The following NRXN1 variants were observed in gnomAD, a reference collection of about 807,000 sequenced individuals.
NRXN1 encodes neurexin-1.
A neutral mutation model predicts 150.9 loss-of-function variants in NRXN1; 39 were observed. The ratio of observed to expected loss-of-function variants is 0.26; its 90% CI spans 0.20 to 0.34. NRXN1 has a LOEUF of 0.34. Ranked by LOEUF, NRXN1 falls within the 10% of genes least tolerant of loss-of-function variation. NRXN1 has a pLI of 1.00. For missense variants in NRXN1, 1,815 were observed against 1,949.9 expected (o/e 0.93, Z 1.30); for synonymous variants, 924 against 757.0 (o/e 1.22, Z -3.62).
chr2:50,994,005 G>A (rs1293673598), intron 2 of NRXN1, among the ~76,000 whole-genome samples: 3 of 151,846 alleles, frequency 2.0e-5, no homozygotes, highest in East Asian at 3.9e-4. Context: ...AATACACACC[G>A]ACAAAACCTA....
chr2:50,935,457 C>T (rs1384526109), intron 2 of NRXN1, among the ~76,000 whole-genome samples: 3 of 152,180 alleles, frequency 2.0e-5, no homozygotes, highest in South Asian at 2.1e-4. Flanking sequence ...TTAGGCTGGG[C>T]GCAGTGGCTC....
Position 49,943,688 on chromosome 2 carries a change from A to G in NRXN1, c.4216+16T>C. 1 of 1,587,032 alleles carries G rather than the reference A, an allele frequency of 6.3e-7. No individual in the cohort carries two copies. Among genetic ancestry groups the G allele is most frequent in the Non-Finnish European group, 8.6e-7 (1 of 1,157,570 alleles). On this transcript the variant is annotated intron_variant, in intron 22 of 22. Coordinates refer to ENST00000401669, the MANE Select transcript of NRXN1 (RefSeq NM_001330078.2). ...TTACAGTAAAGCCAAGGAAGTAAGA[A>G]AAAAAGTTGACTAACCTAACCCACC...
chr2:50,611,601 C>G (rs543671233), intron 8 of NRXN1, among the ~76,000 whole-genome samples: 1 of 152,154 alleles, frequency 6.6e-6, no homozygotes, highest in Non-Finnish European at 1.5e-5. Flanking sequence ...CTACAATGCA[C>G]AGAAGTGAAC....
intron 2 of NRXN1, among the ~76,000 whole-genome samples, chr2:51,021,023 C>T (rs1014332903): frequency 2.6e-5 from 4 of 151,542 alleles, no homozygotes; most frequent in Admixed American, 6.6e-5. Flanking sequence ...CAGCAAAGGC[C>T]GTGTAAATTT....
At chr2:50,213,627 C>A (rs2152846878) in intron 18 of NRXN1, among the ~76,000 whole-genome samples, 1 of 152,014 alleles carries the variant, frequency 6.6e-6, no homozygotes, top group South Asian at 2.1e-4. Flanking sequence ...TAGCCCATTC[C>A]ATTTCTAACC....
chr2:50,564,572 CTG>C (rs1669583817), intron 8 of NRXN1, among the ~76,000 whole-genome samples: 1 of 151,990 alleles, frequency 6.6e-6, no homozygotes, highest in Admixed American at 6.6e-5. Flanking sequence ...ATGAGACAGT[CTG>C]TATAATGATA....
At chr2:50,453,610 C>T (rs185180204) in intron 17 of NRXN1, among the ~76,000 whole-genome samples, 22 of 152,144 alleles carry the variant, frequency 1.4e-4, no homozygotes, top group South Asian at 1.2e-3. Flanking sequence ...GTTCTTGGTA[C>T]GGTTGCATAT....
At chr2:50,065,056 T>C (rs1695158291) in intron 19 of NRXN1, among the ~76,000 whole-genome samples, 3 of 152,166 alleles carry the variant, frequency 2.0e-5, no homozygotes, top group Admixed American at 1.3e-4. Context: ...TCATGCATGC[T>C]GGGAAATCCA....
rs368244500 is a variant in NRXN1, at chr2:50,065,092, A to G, written c.3719-10048T>C. The stretch of plus-strand genomic sequence containing the variant: ...GTTTTTCCGTATGAAAGTGGTCTGT[A>G]GGTAAAGAAACTGAAGAAAACAAAG... On this transcript the variant is annotated intron_variant, in intron 19 of 22. Transcript: ENST00000401669. Among the ~76,000 whole-genome samples the G allele has an allele frequency of 2.3e-4, 35 of 152,330 alleles. No individual in the cohort carries two copies. In the South Asian group the frequency reaches 5.6e-3, roughly 24 times the overall value.
At chr2:50,439,910 A>T (rs142664958) in intron 17 of NRXN1, among the ~76,000 whole-genome samples, 340 of 152,290 alleles carry the variant, frequency 2.2e-3, no homozygotes, top group Non-Finnish European at 4.1e-3. Context: ...AGATTAAAAG[A>T]ATTACTCAAA....
rs200456688 is a variant in NRXN1, at chr2:50,538,287, G to A, written c.2109C>T (p.Ser703=). The part of the protein sequence containing the change: ...DGWNRYVCDC[S]GTGYLGRSCE... ...AGGACCTGCCAAGATAGCCTGTTCC[G>A]GAACAATCACAGACATATCTGTTCC... Residue 703 remains serine, a synonymous_variant, in exon 10 of 23, where the codon TCC becomes TCT. Coordinates refer to ENST00000401669, the MANE Select transcript of NRXN1 (RefSeq NM_001330078.2). 6.0e-5 allele frequency: 97 copies of A among 1,613,464 alleles called. No individual in the cohort carries two copies. The highest frequency in any genetic ancestry group is 1.5e-4 in the Admixed American group (9 of 60,008).
At chr2:50,395,011 TA>T (rs1368897552) in intron 17 of NRXN1, among the ~76,000 whole-genome samples, 3 of 152,026 alleles carry the variant, frequency 2.0e-5, no homozygotes, top group Non-Finnish European at 4.4e-5. Context: ...AAGCCTCTCA[TA>T]ATTTTTCCTA....
chr2:50,038,219 G>T (rs2152574163), intron 21 of NRXN1, among the ~76,000 whole-genome samples: 1 of 152,326 alleles, frequency 6.6e-6, no homozygotes, highest in African/African-American at 2.4e-5. Flanking sequence ...TGGCGTCTAA[G>T]AAGGTCATCA....
intron 21 of NRXN1, among the ~76,000 whole-genome samples, chr2:50,035,491 A>G (rs1474107549): frequency 6.6e-6 from 1 of 152,168 alleles, no homozygotes; most frequent in Non-Finnish European, 1.5e-5. Context: ...TGAACAATAA[A>G]AAGCAAAATT....
At chr2:50,752,177 A>T (rs374532984) in intron 5 of NRXN1, among the ~76,000 whole-genome samples, 1 of 151,964 alleles carries the variant, frequency 6.6e-6, no homozygotes, top group African/African-American at 2.4e-5. Flanking sequence ...CAAATAAATT[A>T]ACAGTGGGTA....
chr2:50,494,464 AG>A (rs755567288), intron 15 of NRXN1, among the ~76,000 whole-genome samples: 3 of 152,176 alleles, frequency 2.0e-5, no homozygotes, highest in Non-Finnish European at 4.4e-5. Flanking sequence ...CTTCAATCAG[AG>A]GGAATAAAGA....
intron 5 of NRXN1, among the ~76,000 whole-genome samples, chr2:50,902,769 T>C (rs1010283532): frequency 6.6e-6 from 1 of 152,188 alleles, no homozygotes; most frequent in African/African-American, 2.4e-5. Flanking sequence ...TATTTTTTCT[T>C]ATCTGAAAAA....
chr2:50,737,647 T>C (rs1276570280), intron 5 of NRXN1, among the ~76,000 whole-genome samples: 1 of 152,150 alleles, frequency 6.6e-6, no homozygotes, highest in Non-Finnish European at 1.5e-5. Flanking sequence ...TAATCTTCAT[T>C]CATTTAATAA....
At chr2:50,428,285 C>T (rs1300550315) in intron 17 of NRXN1, among the ~76,000 whole-genome samples, 1 of 152,098 alleles carries the variant, frequency 6.6e-6, no homozygotes, top group Non-Finnish European at 1.5e-5. Context: ...CATAGTGGCA[C>T]ACACCTGTGG....
Sources: allele counts gnomAD v4.1 joint callset (sites outside exome capture counted in the v4.1 genomes callset), GRCh38; gene constraint gnomAD v4.1.1; transcripts MANE v1.5; gene names NCBI Gene and HGNC (gene_info 2026-07-23, HGNC 2026-07-21).